The following CPEB1 variants were observed in gnomAD, a reference collection of about 807,000 sequenced individuals.
CPEB1 encodes cytoplasmic polyadenylation element binding protein 1.
A neutral mutation model predicts 65.8 loss-of-function variants in CPEB1; 7 were observed. The ratio of observed to expected loss-of-function variants is 0.11; its 90% CI spans 0.06 to 0.20. CPEB1 has a LOEUF of 0.20. CPEB1 is among the 10% of genes least tolerant of loss of function. The probability of loss-of-function intolerance (pLI) is 1.00; values close to 1 mark genes in which losing one functional copy is unlikely to be tolerated. For synonymous variants in CPEB1, 262 were observed against 260.0 expected, an observed-to-expected ratio of 1.01 and a Z score of -0.08; for missense variants, 551 against 712.2, an observed-to-expected ratio of 0.77 and a Z score of 2.58.
chr15:82,591,146 G>A (rs1400333827), intron 3 of CPEB1, among the ~76,000 whole-genome samples: 4 of 151,846 alleles, frequency 2.6e-5, no homozygotes, highest in Admixed American at 6.6e-5. Context: ...GTGTGTAAGC[G>A]TTCCCTTTTC....
chr15:82,608,010 A>G (rs2043786462), intron 3 of CPEB1, among the ~76,000 whole-genome samples: 2 of 152,194 alleles, frequency 1.3e-5, no homozygotes, highest in South Asian at 2.1e-4. Context: ...TGAGCCAGAC[A>G]GTTTACAACT....
At chr15:82,597,334 A>G (rs1394719290) in intron 3 of CPEB1, among the ~76,000 whole-genome samples, 3 of 152,180 alleles carry the variant, frequency 2.0e-5, no homozygotes, top group Non-Finnish European at 1.5e-5. Flanking sequence ...GTTTAGGAGT[A>G]TATTTATTAA....
At chr15:82,578,980 C>T (rs1186140852) in intron 3 of CPEB1, among the ~76,000 whole-genome samples, 2 of 152,066 alleles carry the variant, frequency 1.3e-5, no homozygotes, top group African/African-American at 2.4e-5. Flanking sequence ...TGCACCACCA[C>T]GCCCAGCTAA....
intron 3 of CPEB1, among the ~76,000 whole-genome samples, chr15:82,591,106 T>C (rs941440153): frequency 1.2e-4 from 18 of 152,182 alleles, no homozygotes; most frequent in African/African-American, 4.3e-4. Flanking sequence ...TTTTCCACAA[T>C]GGCTGAACTA....
At chr15:82,573,165 T>C (rs1015821708) in intron 3 of CPEB1, 58 of 1,534,236 alleles carry the variant, frequency 3.8e-5, no homozygotes, top group Non-Finnish European at 4.9e-5. Context: ...CTTCCTGCAG[T>C]ACACCCTGTG....
At chr15:82,552,409 C>A in intron 9 of CPEB1, 71 bp downstream of exon 9, 1 of 1,459,280 alleles carries the variant, frequency 6.9e-7, no homozygotes, top group Non-Finnish European at 9.1e-7. Context: ...GCCTATCCAC[C>A]TACCACAAGA....
intron 3 of CPEB1, among the ~76,000 whole-genome samples, chr15:82,590,209 CAAAAAAAAAAAAAAAAA>C (rs5814120): frequency 4.8e-5 from 5 of 104,158 alleles, no homozygotes; most frequent in Non-Finnish European, 8.2e-5. Context: ...ATCCCTTTGA[CAAAAAAAAAAAAAAAAA>C]AAAAAAAAAA....
intron 3 of CPEB1, among the ~76,000 whole-genome samples, chr15:82,595,975 G>A (rs1009584916): frequency 2.6e-5 from 4 of 152,116 alleles, no homozygotes; most frequent in African/African-American, 9.7e-5. Flanking sequence ...GGGGGCCGAG[G>A]GACATGTGAA....
In CPEB1 at chr15:82,628,399, A is replaced by G; in HGVS notation, c.61T>C (p.Ser21Pro). Residue 21 changes from serine (S) to proline (P), a missense_variant, in exon 2 of 13, where the codon TCA becomes CCA. This residue lies in a region of CPEB1 where 223 missense variants were observed against 228.6 expected (regional missense o/e 0.98). Coordinates refer to ENST00000684509, the MANE Select transcript of CPEB1 (RefSeq NM_001365242.1). ...AGCAGAAGACAATCTGATAGAGATG[A>G]GTGCTCCAAACCAGTGCCAGACATG... ...SSMSGTGLEHSSLSDCLLLIP... is the reference protein window; with the variant it reads ...SSMSGTGLEHPSLSDCLLLIP... The G allele has an allele frequency of 1.4e-6, 1 of 702,908 alleles. No homozygotes were observed. Among genetic ancestry groups the G allele is most frequent in the South Asian group, 1.5e-5 (1 of 67,592 alleles). 43.5% of individuals were successfully genotyped at this position (702,908 alleles called of 1,614,324 possible).
intron 4 of CPEB1, among the ~76,000 whole-genome samples, chr15:82,564,156 C>T (rs2038710018): frequency 6.6e-6 from 1 of 152,234 alleles, no homozygotes; most frequent in African/African-American, 2.4e-5. Flanking sequence ...TGGCAAAAAG[C>T]AGGTGAACAA....
At chr15:82,601,400 G>T (rs1235514442) in intron 3 of CPEB1, among the ~76,000 whole-genome samples, 1 of 151,882 alleles carries the variant, frequency 6.6e-6, no homozygotes, top group Non-Finnish European at 1.5e-5. Flanking sequence ...AATTAGCCAG[G>T]CATGGTGGCA....
At chr15:82,625,156 C>T (rs1185865412) in intron 3 of CPEB1, among the ~76,000 whole-genome samples, 3 of 152,144 alleles carry the variant, frequency 2.0e-5, no homozygotes, top group South Asian at 4.1e-4. Context: ...ATGCAATTTT[C>T]TCAAAGGAGA....
At chr15:82,598,366 C>T (rs1170308539) in intron 3 of CPEB1, among the ~76,000 whole-genome samples, 2 of 151,952 alleles carry the variant, frequency 1.3e-5, no homozygotes, top group Admixed American at 1.3e-4. Context: ...TGGTGGCGCA[C>T]ACCTGTAATC....
At chr15:82,569,956 T>C (rs1044230143) in intron 4 of CPEB1, among the ~76,000 whole-genome samples, 2 of 152,108 alleles carry the variant, frequency 1.3e-5, no homozygotes, top group Non-Finnish European at 2.9e-5. Flanking sequence ...TCTCCAGGCA[T>C]AGAATACCAA....
In CPEB1 at chr15:82,543,212, G is replaced by A. The variant is rs992484015; in HGVS notation, c.*1380C>T. 1.3e-5 allele frequency: 2 copies of A among 152,496 alleles called. No individual in the cohort carries two copies. The allele number at this position is 152,496 out of a possible 1,614,324, so 9.4% of individuals were successfully genotyped here. On this transcript the variant is annotated 3_prime_UTR_variant, in exon 13 of 13. Coordinates refer to ENST00000684509, the MANE Select transcript of CPEB1 (RefSeq NM_001365242.1). The stretch of plus-strand genomic sequence containing the variant: ...GACAAAACCAGAACTCTGCTGCAAC[G>A]TGTTTATTATGTGCCAAAAAAACTA...
chr15:82,571,744 C>T, intron 3 of CPEB1: 1 of 1,394,074 alleles, frequency 7.2e-7, no homozygotes, highest in South Asian at 1.7e-5. Context: ...ACACACACCC[C>T]TATCCCGTCT....
chr15:82,616,730 A>G (rs1228537379), intron 3 of CPEB1, among the ~76,000 whole-genome samples: 1 of 152,090 alleles, frequency 6.6e-6, no homozygotes, highest in Admixed American at 6.6e-5. Context: ...TTTAGTAGAG[A>G]CAGGGTTTCA....
chr15:82,643,313 G>A (rs778599349), intron 1 of CPEB1, among the ~76,000 whole-genome samples: 36 of 152,288 alleles, frequency 2.4e-4, no homozygotes, highest in Non-Finnish European at 5.0e-4. Context: ...CAAAAGCTCT[G>A]AATATGCTTT....
intron 4 of CPEB1, among the ~76,000 whole-genome samples, chr15:82,561,248 C>T (rs1249663910): frequency 6.6e-6 from 1 of 152,186 alleles, no homozygotes; most frequent in Non-Finnish European, 1.5e-5. Flanking sequence ...ATGGTGATAA[C>T]TGGGCCTGGA....
Sources: allele counts gnomAD v4.1 joint callset (sites outside exome capture counted in the v4.1 genomes callset), GRCh38; gene constraint gnomAD v4.1.1; regional missense constraint gnomAD v4.1.1; transcripts MANE v1.5; gene names NCBI Gene and HGNC (gene_info 2026-07-23, HGNC 2026-07-21).